The following USP32 variants were observed in gnomAD, a reference collection of about 807,000 sequenced individuals.
USP32 encodes ubiquitin carboxyl-terminal hydrolase 32.
In USP32, 59 loss-of-function variants were observed where a neutral mutation model predicts 204.8. That is an observed-to-expected ratio of 0.29 (90% CI 0.23 to 0.36). The LOEUF is 0.36. Ranked by LOEUF, USP32 falls within the 10% of genes least tolerant of loss-of-function variation. USP32 has a pLI of 1.00. For missense variants in USP32, 1,160 were observed against 1,946.4 expected, an observed-to-expected ratio of 0.60 and a Z score of 7.60; for synonymous variants, 517 against 678.4, an observed-to-expected ratio of 0.76 and a Z score of 3.70.
chr17:60,185,363 G>A (rs2145376597), intron 30 of USP32, 97 bp downstream of exon 30: 1 of 1,389,410 alleles, frequency 7.2e-7, no homozygotes, highest in South Asian at 1.6e-5. Flanking sequence ...CTGCAGGAAA[G>A]GTCTTATTCT....
intron 2 of USP32, among the ~76,000 whole-genome samples, chr17:60,320,905 T>C (rs1330374665): frequency 6.6e-6 from 1 of 152,084 alleles, no homozygotes; most frequent in Non-Finnish European, 1.5e-5. Context: ...CCTACAACCC[T>C]CTCCAGAGTA....
chr17:60,329,058 G>A (rs980175089), intron 2 of USP32, among the ~76,000 whole-genome samples: 12 of 152,166 alleles, frequency 7.9e-5, no homozygotes, highest in African/African-American at 2.4e-4. Flanking sequence ...CCAGCCACAC[G>A]TTTCTGGCCA....
At chr17:60,213,048 C>T (rs1301436983) in intron 18 of USP32, among the ~76,000 whole-genome samples, 9 of 152,182 alleles carry the variant, frequency 5.9e-5, no homozygotes, top group Non-Finnish European at 5.9e-5. Flanking sequence ...CCACTGCGCC[C>T]GGCCTATTCA....
At chr17:60,218,858 T>C (rs1437928696) in intron 16 of USP32, among the ~76,000 whole-genome samples, 2 of 152,088 alleles carry the variant, frequency 1.3e-5, no homozygotes, top group South Asian at 2.1e-4. Context: ...GCCTCCCAAA[T>C]TGTGGGATTA....
intron 1 of USP32, among the ~76,000 whole-genome samples, chr17:60,410,434 T>C (rs2090008956): frequency 6.6e-6 from 1 of 152,116 alleles, no homozygotes; most frequent in African/African-American, 2.4e-5. Flanking sequence ...TTTGGGAGGC[T>C]GAGGCGGGCA....
intron 5 of USP32, among the ~76,000 whole-genome samples, chr17:60,280,548 T>A (rs1191361996): frequency 6.6e-6 from 1 of 152,244 alleles, no homozygotes; most frequent in South Asian, 2.1e-4. Flanking sequence ...TATTTGTGTA[T>A]GAAAAAGTAA....
At chr17:60,355,241 A>G (rs560369931) in intron 1 of USP32, among the ~76,000 whole-genome samples, 2 of 152,356 alleles carry the variant, frequency 1.3e-5, no homozygotes, top group African/African-American at 4.8e-5. Flanking sequence ...CAACTCATCA[A>G]TGATGACAGG....
intron 18 of USP32, among the ~76,000 whole-genome samples, 177 bp downstream of exon 18, chr17:60,213,404 A>G (rs1339692197): frequency 6.6e-6 from 1 of 152,064 alleles, no homozygotes; most frequent in Non-Finnish European, 1.5e-5. Context: ...GTATGGTAGG[A>G]TTACATAAGA....
rs2084022347 is a variant in USP32 at position 60,178,492 on chromosome 17, C to T, written c.*763G>A. Among the ~76,000 whole-genome samples, 1 of 152,120 alleles carries T rather than the reference C, an allele frequency of 6.6e-6. No homozygotes were observed. Among genetic ancestry groups the T allele is most frequent in the Non-Finnish European group, 1.5e-5 (1 of 68,014 alleles). On this transcript the variant is annotated 3_prime_UTR_variant, in exon 34 of 34. Coordinates refer to ENST00000300896, the MANE Select transcript of USP32 (RefSeq NM_032582.4). Reference sequence around the variant, plus strand: ...CTTGAAGTATCCTAAATGTAAGATGCCTCCACTGGGAGGGCCATGGTAGCT... The same window carrying T: ...CTTGAAGTATCCTAAATGTAAGATGTCTCCACTGGGAGGGCCATGGTAGCT...
At chr17:60,347,763 A>G (rs1046608381) in intron 1 of USP32, among the ~76,000 whole-genome samples, 6 of 151,848 alleles carry the variant, frequency 4.0e-5, no homozygotes, top group African/African-American at 1.4e-4. Flanking sequence ...GGCTTGAGCC[A>G]CCGCACACAG....
intron 26 of USP32, among the ~76,000 whole-genome samples, chr17:60,201,413 T>G (rs2084672652): frequency 6.6e-6 from 1 of 152,186 alleles, no homozygotes; most frequent in Non-Finnish European, 1.5e-5. Context: ...TACCTACAGG[T>G]AGAACTGCTT....
At chr17:60,190,776 G>C (rs757347774) in intron 28 of USP32, 93 bp from the exon 29 acceptor site, 9 of 1,516,716 alleles carry the variant, frequency 5.9e-6, no homozygotes, top group Non-Finnish European at 7.9e-6. Flanking sequence ...CTACTTTTCT[G>C]CTTTCCTCTT....
intron 1 of USP32, among the ~76,000 whole-genome samples, chr17:60,351,316 T>C (rs2088941122): frequency 6.6e-6 from 1 of 152,128 alleles, no homozygotes; most frequent in African/African-American, 2.4e-5. Context: ...CCACCTCAGC[T>C]GCCCAAGTAG....
At chr17:60,337,730 G>A (rs1057359232) in intron 2 of USP32, among the ~76,000 whole-genome samples, 2 of 151,998 alleles carry the variant, frequency 1.3e-5, no homozygotes, top group Non-Finnish European at 2.9e-5. Context: ...TAAATAAACT[G>A]ATTAACTGGG....
At chr17:60,328,201 C>T (rs2088292133) in intron 2 of USP32, among the ~76,000 whole-genome samples, 1 of 152,218 alleles carries the variant, frequency 6.6e-6, no homozygotes, top group Admixed American at 6.5e-5. Flanking sequence ...GTGCATACTT[C>T]CTCCCCTCTG....
intron 9 of USP32, chr17:60,256,594 A>G (rs1176862184): frequency 2.3e-5 from 17 of 752,656 alleles, no homozygotes; most frequent in Non-Finnish European, 2.8e-5. Context: ...AATTTTCTCC[A>G]GGTACTCCGG....
chr17:60,305,392 C>T (rs2087698678), intron 2 of USP32, among the ~76,000 whole-genome samples: 1 of 152,146 alleles, frequency 6.6e-6, no homozygotes, highest in East Asian at 1.9e-4. Flanking sequence ...AGTGACAGCG[C>T]ACTCATTACT....
chr17:60,282,269 T>C (rs746300702), intron 5 of USP32, among the ~76,000 whole-genome samples: 1 of 152,246 alleles, frequency 6.6e-6, no homozygotes, highest in Non-Finnish European at 1.5e-5. Context: ...CCAAAAGTTT[T>C]AGAAGGAAGA....
intron 13 of USP32, among the ~76,000 whole-genome samples, chr17:60,224,369 TC>T (rs1179681237): frequency 6.6e-6 from 1 of 152,250 alleles, no homozygotes; most frequent in Non-Finnish European, 1.5e-5. Flanking sequence ...TGCTAAGTGA[TC>T]TTTGTAATAC....
Sources: allele counts gnomAD v4.1 joint callset (sites outside exome capture counted in the v4.1 genomes callset), GRCh38; gene constraint gnomAD v4.1.1; transcripts MANE v1.5; gene names NCBI Gene and HGNC (gene_info 2026-07-23, HGNC 2026-07-21).